GFOD1: variants seen among roughly 807,000 people sequenced by gnomAD.
GFOD1 encodes glucose-fructose oxidoreductase domain-containing protein 1.
A neutral mutation model predicts 25.4 loss-of-function variants in GFOD1; 9 were observed. The ratio of observed to expected loss-of-function variants is 0.35; its 90% confidence interval spans 0.21 to 0.62. GFOD1 has a LOEUF of 0.62. GFOD1 is among the 20% of genes least tolerant of loss of function. The pLI, the probability that GFOD1 is intolerant of heterozygous loss-of-function variation, is 0.72. For missense variants in GFOD1, 403 were observed against 556.9 expected (o/e 0.72, Z 2.78); for synonymous variants, 253 against 245.6 (o/e 1.03, Z -0.28).
intron 1 of GFOD1, among the ~76,000 whole-genome samples, chr6:13,366,508 G>A (rs1166802735): frequency 2.0e-5 from 3 of 152,092 alleles, no homozygotes; most frequent in Non-Finnish European, 4.4e-5. Context: ...GCTAATTTTT[G>A]TATTTTTAGT....
chr6:13,385,296 G>T (rs1785446273), intron 1 of GFOD1, among the ~76,000 whole-genome samples: 1 of 152,160 alleles, frequency 6.6e-6, no homozygotes. Flanking sequence ...CCAGGTACCT[G>T]CCCCCATGGA....
chr6:13,470,154 T>C (rs751685723), intron 1 of GFOD1: 2 of 1,522,644 alleles, frequency 1.3e-6, no homozygotes, highest in South Asian at 2.2e-5. Context: ...TAGCCAGTGA[T>C]GTCCCACTGG....
At chr6:13,399,434 T>C (rs1837701) in intron 1 of GFOD1, among the ~76,000 whole-genome samples, 109,864 of 152,152 alleles carry the variant, frequency 0.72, 40,309 homozygotes, top group South Asian at 0.85. Context: ...TGTGAATGTT[T>C]GTTGCAGTTG....
At chr6:13,444,574 T>C (rs756071598) in intron 1 of GFOD1, among the ~76,000 whole-genome samples, 2 of 152,150 alleles carry the variant, frequency 1.3e-5, no homozygotes, top group Non-Finnish European at 2.9e-5. Flanking sequence ...TGAAAATATA[T>C]GTTCACGTGC....
chr6:13,476,076 C>T (rs747473356), intron 1 of GFOD1, among the ~76,000 whole-genome samples: 1 of 152,146 alleles, frequency 6.6e-6, no homozygotes, highest in Non-Finnish European at 1.5e-5. Context: ...TACAACTGAG[C>T]AATTTCAGTC....
At chr6:13,467,111 A>C (rs74445251) in intron 1 of GFOD1, among the ~76,000 whole-genome samples, 1 of 143,242 alleles carries the variant, frequency 7.0e-6, no homozygotes, top group African/African-American at 2.7e-5. Flanking sequence ...AACTGATTTC[A>C]AAAAAAAAAA....
intron 1 of GFOD1, among the ~76,000 whole-genome samples, chr6:13,403,157 G>A (rs372773843): frequency 5.4e-4 from 80 of 147,168 alleles, no homozygotes; most frequent in African/African-American, 1.4e-3. Flanking sequence ...ACGGAGTCTC[G>A]CTCTGTCGCC....
At chr6:13,470,186 A>T (rs768581735) in intron 1 of GFOD1, 1 of 1,571,210 alleles carries the variant, frequency 6.4e-7, no homozygotes. Flanking sequence ...CCTGCGCGCG[A>T]TGAACGCATC....
intron 1 of GFOD1, among the ~76,000 whole-genome samples, chr6:13,451,044 G>A (rs1758088553): frequency 6.6e-6 from 1 of 152,186 alleles, no homozygotes; most frequent in African/African-American, 2.4e-5. Context: ...CTCACCTCTG[G>A]GCTGGCCCCA....
chr6:13,402,020 G>C (rs1484230563), intron 1 of GFOD1, among the ~76,000 whole-genome samples: 3 of 152,150 alleles, frequency 2.0e-5, no homozygotes, highest in Non-Finnish European at 4.4e-5. Context: ...TTAATTAAGA[G>C]TTCAGAAATA....
At chr6:13,404,415 G>A (rs544634420) in intron 1 of GFOD1, among the ~76,000 whole-genome samples, 1 of 152,302 alleles carries the variant, frequency 6.6e-6, no homozygotes, top group Admixed American at 6.5e-5. Flanking sequence ...GAGACAATGT[G>A]TATGATGAAG....
At chr6:13,449,259 C>G (rs543036740) in intron 1 of GFOD1, among the ~76,000 whole-genome samples, 22 of 152,256 alleles carry the variant, frequency 1.4e-4, no homozygotes, top group Non-Finnish European at 2.6e-4. Flanking sequence ...CCAGTGTAGT[C>G]CAGCTTAGGT....
At chr6:13,458,370 G>A (rs1469177297) in intron 1 of GFOD1, among the ~76,000 whole-genome samples, 1 of 152,064 alleles carries the variant, frequency 6.6e-6, no homozygotes, top group Non-Finnish European at 1.5e-5. Flanking sequence ...CCCCCGCTTG[G>A]CCTCCCAAAG....
At chr6:13,446,096 T>C (rs1473348864) in intron 1 of GFOD1, among the ~76,000 whole-genome samples, 1 of 152,242 alleles carries the variant, frequency 6.6e-6, no homozygotes, top group Non-Finnish European at 1.5e-5. Context: ...TGCTGGAGTC[T>C]GAACCAATTG....
At chr6:13,433,367 C>T (rs955573873) in intron 1 of GFOD1, among the ~76,000 whole-genome samples, 16 of 152,188 alleles carry the variant, frequency 1.1e-4, no homozygotes, top group African/African-American at 3.9e-4. Context: ...CATCTACCTG[C>T]CTTGGCCTCC....
chr6:13,366,833 A>T (rs2127554916), intron 1 of GFOD1, among the ~76,000 whole-genome samples: 1 of 152,238 alleles, frequency 6.6e-6, no homozygotes. Context: ...TCTGGTATTG[A>T]TTTAAATAGT....
rs139220888 is a variant in GFOD1 at position 13,457,319 on chromosome 6, G to T, written c.253+29319C>A. Among the ~76,000 whole-genome samples the T allele has an allele frequency of 4.2e-3, 641 of 152,318 alleles. 4 individuals carry two copies. The highest frequency in any genetic ancestry group is 0.015 in the African/African-American group (625 of 41,554). Reference sequence around the variant, plus strand: ...ACAATATCCCAAACTGTGCCCTCTAGATAACAGGCACTCAATAAACATTTG... The same window carrying T: ...ACAATATCCCAAACTGTGCCCTCTATATAACAGGCACTCAATAAACATTTG... On this transcript the variant is annotated intron_variant, in intron 1 of 1. Coordinates refer to ENST00000379287, the MANE Select transcript of GFOD1 (RefSeq NM_018988.4).
Position 13,360,471 on chromosome 6 carries a change from CCT to C in GFOD1, c.*4270_*4271del, listed in dbSNP as rs1163651301. ...ACAAACGAACTTTAAAGCCCCACTC[CCT>C]GAGAAAGGACATTTTCCTACGTTAT... On this transcript the variant is annotated 3_prime_UTR_variant, in exon 2 of 2. Transcript: ENST00000379287. 2 of 344,678 alleles carry C rather than the reference CCT, an allele frequency of 5.8e-6. No individual in the cohort carries two copies. The highest frequency in any genetic ancestry group is 1.1e-5 in the Non-Finnish European group (2 of 174,050). The allele number at this position is 344,678 out of a possible 1,614,324, so 21.4% of individuals were successfully genotyped here.
At chr6:13,482,302 A>G (rs1758770289) in intron 1 of GFOD1, among the ~76,000 whole-genome samples, 1 of 148,698 alleles carries the variant, frequency 6.7e-6, no homozygotes, top group African/African-American at 2.4e-5. Context: ...ACTATATAAA[A>G]TTTATGTAAT....
Sources: gnomAD v4.1 joint callset for allele counts (sites outside exome capture counted in the v4.1 genomes callset) on GRCh38, gnomAD v4.1.1 for gene constraint, MANE v1.5 for transcripts, NCBI Gene and HGNC (gene_info 2026-07-23, HGNC 2026-07-21) for gene names.